Variants in MIDEAS observed in about 807,000 individuals in gnomAD.
MIDEAS encodes mitotic deacetylase-associated SANT domain protein.
MIDEAS carries 26 observed loss-of-function variants against 102.7 expected under a neutral mutation model. The ratio of observed to expected loss-of-function variants is 0.25; its 90% CI spans 0.19 to 0.35. The LOEUF (loss-of-function observed/expected upper bound fraction) is 0.35. MIDEAS is among the 10% of genes least tolerant of loss of function. The pLI, the probability that MIDEAS is intolerant of heterozygous loss-of-function variation, is 1.00. For synonymous variants in MIDEAS, 585 were observed against 591.0 expected (o/e 0.99, Z 0.15); for missense variants, 1,231 against 1,435.6 (o/e 0.86, Z 2.30).
chr14:73,757,293 A>AAAAAAAAAAAAAAAC (rs1566602278), intron 1 of MIDEAS, among the ~76,000 whole-genome samples: 4 of 150,594 alleles, frequency 2.7e-5, no homozygotes, highest in African/African-American at 9.8e-5. Flanking sequence ...AAAAAAAAAA[A>AAAAAAAAAAAAAAAC]ACACTAAACA....
At chr14:73,727,118 G>T (rs1395482327) in intron 5 of MIDEAS, 146 bp from the exon 6 acceptor site, 2 of 1,045,968 alleles carry the variant, frequency 1.9e-6, no homozygotes, top group Non-Finnish European at 1.4e-6. Context: ...TAGGGGCTTG[G>T]GAGGACAGCC....
chr14:73,732,164 T>A (rs1006658176), intron 3 of MIDEAS, among the ~76,000 whole-genome samples: 2 of 152,072 alleles, frequency 1.3e-5, no homozygotes, highest in Admixed American at 6.6e-5. Flanking sequence ...CCACAAACTT[T>A]TCCTCAACCA....
In MIDEAS at chr14:73,726,907, G is replaced by A; in HGVS notation, c.2228C>T (p.Ala743Val). 1 of 1,613,966 alleles carries A rather than the reference G, an allele frequency of 6.2e-7. No homozygotes were observed. Among genetic ancestry groups the A allele is most frequent in the Non-Finnish European group, 8.5e-7 (1 of 1,179,842 alleles). Reference sequence around the variant, plus strand: ...CAAGTCAGCCTTGTGGGGATCTGCAGCTGCCAGGGCACGGTCCCTCATCAA... The same window carrying A: ...CAAGTCAGCCTTGTGGGGATCTGCAACTGCCAGGGCACGGTCCCTCATCAA... ...IPLMRDRALA[A>V]ADPHKADLVW... is the part of the protein sequence containing the mutation. The change falls in exon 6 of 13, where the codon GCT becomes GTT. Residue 743 changes from alanine to valine, a missense_variant. Transcript: ENST00000423556.
intron 1 of MIDEAS, among the ~76,000 whole-genome samples, chr14:73,778,362 C>CAAA (rs1389802174): frequency 9.4e-6 from 1 of 106,080 alleles, no homozygotes; most frequent in Non-Finnish European, 2.0e-5. Context: ...GACTCTGTCT[C>CAAA]AAAAAAAAAA....
chr14:73,721,047 G>A (rs1222072010), intron 11 of MIDEAS, among the ~76,000 whole-genome samples: 3 of 152,154 alleles, frequency 2.0e-5, no homozygotes, highest in Non-Finnish European at 4.4e-5. Context: ...CGCAGACTCT[G>A]GATTCAGGCT....
rs751503175 is a variant in MIDEAS, at chr14:73,742,264, C to T, written c.-247-2009G>A. 1.3e-5 allele frequency among the ~76,000 whole-genome samples: 2 copies of T among 152,260 alleles called. No individual in the cohort carries two copies. Among genetic ancestry groups the T allele is most frequent in the Non-Finnish European group, 2.9e-5 (2 of 68,046 alleles). ...TCCAGTGGGCGCTCACACACACTCA[C>T]GCCTCCCTTCATCACAGCCCTGTCT... On this transcript the variant is annotated intron_variant, in intron 1 of 12. Transcript: ENST00000423556. This position sits in a 1 kb window ranked among gnomAD's most constrained non-coding sequence, Gnocchi z 4.4.
At chr14:73,778,880 C>T (rs986680598) in intron 1 of MIDEAS, among the ~76,000 whole-genome samples, 4 of 152,044 alleles carry the variant, frequency 2.6e-5, no homozygotes, top group African/African-American at 9.6e-5. Context: ...GCCTTTCATG[C>T]TTAATCTCAT....
At chr14:73,743,053 A>G (rs573619999) in intron 1 of MIDEAS, among the ~76,000 whole-genome samples, 1 of 152,238 alleles carries the variant, frequency 6.6e-6, no homozygotes, top group East Asian at 1.9e-4. Flanking sequence ...ACGGTCACAC[A>G]GTCATTATGT....
At chr14:73,733,358 C>T (rs1459924541) in intron 3 of MIDEAS, among the ~76,000 whole-genome samples, 1 of 152,046 alleles carries the variant, frequency 6.6e-6, no homozygotes, top group East Asian at 1.9e-4. Context: ...GAGGCCAAGG[C>T]AGGTGGATCA....
chr14:73,741,828 C>A (rs1046678215), intron 1 of MIDEAS, among the ~76,000 whole-genome samples: 1 of 152,168 alleles, frequency 6.6e-6, no homozygotes, highest in African/African-American at 2.4e-5. Flanking sequence ...GAGTAAGAGA[C>A]CCTCCTCGTG....
intron 1 of MIDEAS, among the ~76,000 whole-genome samples, chr14:73,772,786 C>T (rs900118461): frequency 7.5e-6 from 1 of 132,980 alleles, no homozygotes; most frequent in Non-Finnish European, 1.6e-5. Context: ...CTTACAGCTT[C>T]AAGTTCTAGT....
At position 73,730,050 on chromosome 14, in the gene MIDEAS, C is replaced by T. The variant is rs761427995; in HGVS notation, c.1750-65G>A. 13 of 1,496,050 alleles carry T rather than the reference C, an allele frequency of 8.7e-6. No homozygotes were observed. In the South Asian group the frequency reaches 1.2e-4, roughly 13 times the overall value. 92.7% of individuals were successfully genotyped at this position (1,496,050 alleles called of 1,614,324 possible). A position where few individuals can be genotyped will look rare whatever the true frequency, so the allele number is the denominator to read the frequency against. On this transcript the variant is annotated intron_variant, in intron 3 of 12. Transcript: ENST00000423556. The stretch of plus-strand genomic sequence containing the variant: ...TGTCCCAGAGAAAGTAAAGTCTTAA[C>T]CACAGCTTGCCAGTCTCACCTTTGG...
At position 73,739,750 on chromosome 14, in the gene MIDEAS, T is replaced by C; in HGVS notation, c.259A>G (p.Met87Val). ...ACTGAGGCCACCTGCTGGGACAGCA[T>C]GGCTGCTGAGGTCCGCTCAGGCCCA... ...VYGPERTSAA[M>V]LSQQVASVKW... Residue 87 changes from methionine (M) to valine (V), a missense_variant, in exon 2 of 13, where the codon ATG (methionine) becomes GTG (valine). This residue lies in a region of MIDEAS where 758 missense variants were observed against 856.0 expected (regional missense o/e 0.89). Coordinates refer to ENST00000423556, the MANE Select transcript of MIDEAS (RefSeq NM_001367710.1). 1.2e-6 allele frequency: 2 copies of C among 1,613,830 alleles called. No homozygotes were observed. The highest frequency in any genetic ancestry group is 1.3e-5 in the African/African-American group (1 of 75,068).
At chr14:73,755,617 A>G (rs2053470509) in intron 1 of MIDEAS, among the ~76,000 whole-genome samples, 1 of 152,230 alleles carries the variant, frequency 6.6e-6, no homozygotes, top group African/African-American at 2.4e-5. Context: ...TGAGAGCACA[A>G]TCTGATCTCT....
chr14:73,724,694 T>TC (rs1484040138), intron 9 of MIDEAS: 2 of 156,246 alleles, frequency 1.3e-5, no homozygotes, highest in East Asian at 3.8e-4. Flanking sequence ...CAATTCTCTC[T>TC]CCCCACAGCC....
At chr14:73,734,711 C>T (rs1282387064) in intron 3 of MIDEAS, among the ~76,000 whole-genome samples, 1 of 152,150 alleles carries the variant, frequency 6.6e-6, no homozygotes, top group Non-Finnish European at 1.5e-5. Flanking sequence ...TGATTGCAGG[C>T]ATAACCCACT....
Position 73,759,081 on chromosome 14 carries a change from G to C in MIDEAS, c.-248+682C>G, listed in dbSNP as rs1393094142. On this transcript the variant is annotated intron_variant, in intron 1 of 12. Coordinates refer to ENST00000423556, the MANE Select transcript of MIDEAS (RefSeq NM_001367710.1). This position sits in a 1 kb window ranked among gnomAD's most constrained non-coding sequence, Gnocchi z 6.7. ...GCTGCGGCGGCGCGGGCGTGCGGGGGCGCGCGGGAGGATGACAGGTCTGAG... is the reference window on the plus strand; with the variant it reads ...GCTGCGGCGGCGCGGGCGTGCGGGGCCGCGCGGGAGGATGACAGGTCTGAG... Among the ~76,000 whole-genome samples, 5 of 152,100 alleles carry C rather than the reference G, an allele frequency of 3.3e-5. No homozygotes were observed. In the South Asian group the frequency reaches 6.2e-4, roughly 19 times the overall value.
rs147355363 is a variant in MIDEAS at position 73,733,747 on chromosome 14, T to G, written c.1749+3251A>C. Among the ~76,000 whole-genome samples, 361 of 152,294 alleles carry G rather than the reference T, an allele frequency of 2.4e-3. 2 individuals are homozygous for G. The highest frequency in any genetic ancestry group is 5.6e-3 in the Admixed American group (86 of 15,302). On this transcript the variant is annotated intron_variant, in intron 3 of 12. Coordinates refer to ENST00000423556, the MANE Select transcript of MIDEAS (RefSeq NM_001367710.1). ...TCTCACTCTGTTGCCCAAGCTGGAG[T>G]GCAGTGGTACGATCTTGGCTTACTA... is the stretch of plus-strand genomic sequence containing the variant.
At chr14:73,719,757 C>T (rs998203690) in intron 11 of MIDEAS, among the ~76,000 whole-genome samples, 1 of 150,294 alleles carries the variant, frequency 6.7e-6, no homozygotes, top group Non-Finnish European at 1.5e-5. Flanking sequence ...GGCCTTGATG[C>T]GCCTGACAGG....
Sources: allele counts gnomAD v4.1 joint callset (sites outside exome capture counted in the v4.1 genomes callset), GRCh38; gene constraint gnomAD v4.1.1; regional missense constraint gnomAD v4.1.1; non-coding constraint Gnocchi (gnomAD v3.1); transcripts MANE v1.5; gene names NCBI Gene and HGNC (gene_info 2026-07-23, HGNC 2026-07-21).